The following GPC5 variants were observed in gnomAD, a reference collection of about 807,000 sequenced individuals.
The protein encoded by GPC5 is glypican-5.
GPC5 carries 47 observed loss-of-function variants against 53.9 expected under a neutral mutation model. The observed-to-expected ratio is 0.87, with a 90% CI of 0.69 to 1.11. The LOEUF (loss-of-function observed/expected upper bound fraction) is 1.11, where lower values mean the gene tolerates loss of function less well. Ranked by LOEUF, GPC5 falls within the 50% of genes most tolerant of loss-of-function variation. The probability of loss-of-function intolerance (pLI) is 0.00; values close to 1 mark genes in which losing one functional copy is unlikely to be tolerated. For synonymous variants in GPC5, 286 were observed against 263.3 expected (o/e 1.09, Z -0.84); for missense variants, 748 against 713.1 (o/e 1.05, Z -0.56).
chr13:92,765,708 A>T (rs529122287), intron 7 of GPC5, among the ~76,000 whole-genome samples: 1 of 152,262 alleles, frequency 6.6e-6, no homozygotes, highest in African/African-American at 2.4e-5. Context: ...TGTGACCAAG[A>T]TATCTGTGAT....
intron 5 of GPC5, among the ~76,000 whole-genome samples, chr13:91,769,663 A>G (rs1057472140): frequency 1.3e-5 from 2 of 152,182 alleles, no homozygotes; most frequent in Admixed American, 6.5e-5. Flanking sequence ...GTCTGGAATG[A>G]GACTGTAGCT....
intron 2 of GPC5, among the ~76,000 whole-genome samples, chr13:91,613,130 C>T (rs2139321805): frequency 6.6e-6 from 1 of 152,258 alleles, no homozygotes; most frequent in South Asian, 2.1e-4. Flanking sequence ...AAGTCTAAGG[C>T]AAATACACCC....
chr13:92,624,258 C>T (rs1346994891), intron 7 of GPC5, among the ~76,000 whole-genome samples: 26 of 151,864 alleles, frequency 1.7e-4, no homozygotes, highest in African/African-American at 2.2e-4. Context: ...TTATTAGAGA[C>T]GGGGTTTTGC....
chr13:91,527,304 TGGCCAAAGCAAAG>T (rs1415196593), intron 2 of GPC5, among the ~76,000 whole-genome samples: 2 of 152,186 alleles, frequency 1.3e-5, no homozygotes, highest in East Asian at 3.8e-4. Flanking sequence ...TGAGAGAAAT[TGGCCAAAGCAAAG>T]TGGCCATAGG....
At position 92,350,216 on chromosome 13, in the gene GPC5, T is replaced by C. The variant is rs181945776; in HGVS notation, c.1561+205227T>C. Among the ~76,000 whole-genome samples, 6 of 152,162 alleles carry C rather than the reference T, an allele frequency of 3.9e-5. No homozygotes were observed. The East Asian group carries it at 1.2e-3, about 29-fold the overall frequency. On this transcript the variant is annotated intron_variant, in intron 7 of 7. Transcript: ENST00000377067. ...TGATAAAAACTCTCACCAAATTTAG[T>C]ATAGAAAGAGTGTACCTGAACACAT... is the stretch of plus-strand genomic sequence containing the variant.
At chr13:92,719,852 T>G (rs1447174201) in intron 7 of GPC5, 1 of 152,150 alleles carries the variant, frequency 6.6e-6, no homozygotes, top group Non-Finnish European at 1.5e-5. Context: ...GTACAGGGAT[T>G]TATAAATAAA....
At chr13:92,297,948 C>T (rs1166062144) in intron 7 of GPC5, among the ~76,000 whole-genome samples, 1 of 152,110 alleles carries the variant, frequency 6.6e-6, no homozygotes, top group Non-Finnish European at 1.5e-5. Flanking sequence ...GAACGAACAA[C>T]TCCAGATGTG....
chr13:91,847,786 A>C (rs2038868715), intron 5 of GPC5, among the ~76,000 whole-genome samples: 1 of 152,202 alleles, frequency 6.6e-6, no homozygotes, highest in South Asian at 2.1e-4. Context: ...CTCTGAGATT[A>C]GTTTCTAAAG....
intron 1 of GPC5, among the ~76,000 whole-genome samples, chr13:91,430,226 A>G (rs570319148): frequency 6.6e-6 from 1 of 152,284 alleles, no homozygotes; most frequent in Non-Finnish European, 1.5e-5. Context: ...TTTTAGCACA[A>G]ATATTTTTAA....
chr13:92,085,462 AAGTAGTG>A (rs1305444169), intron 6 of GPC5, among the ~76,000 whole-genome samples: 1 of 152,188 alleles, frequency 6.6e-6, no homozygotes, highest in Non-Finnish European at 1.5e-5. Flanking sequence ...CAGACTCTCT[AAGTAGTG>A]AAGGGAAATA....
At chr13:92,725,685 T>C (rs1176772353) in intron 7 of GPC5, among the ~76,000 whole-genome samples, 1 of 151,658 alleles carries the variant, frequency 6.6e-6, no homozygotes, top group African/African-American at 2.4e-5. Flanking sequence ...CAAATTCTCA[T>C]GTTAAATCTT....
At chr13:91,572,329 C>T (rs1243156107) in intron 2 of GPC5, among the ~76,000 whole-genome samples, 3 of 150,846 alleles carry the variant, frequency 2.0e-5, no homozygotes, top group African/African-American at 4.9e-5. Flanking sequence ...AAAATAACTT[C>T]GAGTTAAAGG....
chr13:92,170,420 C>CTTTTTTTTTTTTTTTTTTTTTTTTTGTT (rs61418155), intron 7 of GPC5, among the ~76,000 whole-genome samples: 1 of 75,260 alleles, frequency 1.3e-5, no homozygotes, highest in Non-Finnish European at 2.4e-5. Context: ...CTTTTCTTTG[C>CTTTTTTTTTTTTTTTTTTTTTTTTTGTT]TTTTTTTTTT....
At chr13:91,985,244 G>T (rs57008430) in intron 6 of GPC5, among the ~76,000 whole-genome samples, 4,380 of 152,152 alleles carry the variant, frequency 0.029, 193 homozygotes, top group African/African-American at 0.099. Flanking sequence ...CTTAAAGTCG[G>T]CTTTGACTGG....
chr13:92,043,938 A>C (rs1168299617), intron 6 of GPC5, among the ~76,000 whole-genome samples: 1 of 152,202 alleles, frequency 6.6e-6, no homozygotes, highest in Admixed American at 6.5e-5. Flanking sequence ...TTTGAATCCG[A>C]TAACTTCATG....
At chr13:92,419,285 T>A (rs1304496833) in intron 7 of GPC5, among the ~76,000 whole-genome samples, 2 of 152,210 alleles carry the variant, frequency 1.3e-5, no homozygotes, top group African/African-American at 4.8e-5. Flanking sequence ...ATTATTTTTT[T>A]TTTCCAGCTG....
At chr13:92,274,168 T>C (rs2042859236) in intron 7 of GPC5, among the ~76,000 whole-genome samples, 1 of 152,198 alleles carries the variant, frequency 6.6e-6, no homozygotes, top group Non-Finnish European at 1.5e-5. Flanking sequence ...CATATTGCCC[T>C]TAGAATTTTA....
intron 5 of GPC5, among the ~76,000 whole-genome samples, chr13:91,826,181 A>ATC (rs2038573036): frequency 2.5e-5 from 2 of 78,838 alleles, no homozygotes; most frequent in African/African-American, 1.0e-4. Flanking sequence ...GTTAATATTA[A>ATC]ATAAATGATG....
At chr13:91,916,952 A>G (rs72633727) in intron 6 of GPC5, among the ~76,000 whole-genome samples, 18,694 of 152,198 alleles carry the variant, frequency 0.12, 1,441 homozygotes, top group Non-Finnish European at 0.17. Context: ...CAGCCAAACC[A>G]TATGATTCTG....
Sources: allele counts gnomAD v4.1 joint callset (sites outside exome capture counted in the v4.1 genomes callset), GRCh38; gene constraint gnomAD v4.1.1; transcripts MANE v1.5; gene names NCBI Gene and HGNC (gene_info 2026-07-23, HGNC 2026-07-21).